The following PRDM5 variants were observed in gnomAD, a reference collection of about 807,000 sequenced individuals.
PRDM5 encodes the protein PR/SET domain 5, also known as PR domain zinc finger protein 5.
Under a neutral mutation model 81.2 loss-of-function variants are expected in PRDM5, and 56 were observed. That is an observed-to-expected ratio of 0.69 (90% CI 0.56 to 0.86). The LOEUF (loss-of-function observed/expected upper bound fraction) is 0.86. Among genes scored for constraint, PRDM5 ranks in the 40% least tolerant of loss-of-function variants. The probability of loss-of-function intolerance (pLI) is 0.00; values close to 1 mark genes in which losing one functional copy is unlikely to be tolerated. For missense variants in PRDM5, 697 were observed against 770.1 expected (o/e 0.91, Z 1.12); for synonymous variants, 267 against 256.4 (o/e 1.04, Z -0.39).
At chr4:120,865,156 C>T (rs150963044) in intron 2 of PRDM5, among the ~76,000 whole-genome samples, 13 of 152,290 alleles carry the variant, frequency 8.5e-5, no homozygotes, top group South Asian at 2.1e-4. Context: ...TGAGGCTGCA[C>T]GGGAACCTTT....
chr4:120,696,214 TATAAAGAA>T (rs1734502632), intron 15 of PRDM5, among the ~76,000 whole-genome samples: 1 of 152,090 alleles, frequency 6.6e-6, no homozygotes, highest in Admixed American at 6.6e-5. Flanking sequence ...CATAGTGTGG[TATAAAGAA>T]AATAAGCTTT....
intron 7 of PRDM5, among the ~76,000 whole-genome samples, chr4:120,815,638 CA>C (rs1158007100): frequency 2.0e-5 from 3 of 152,148 alleles, no homozygotes; most frequent in Non-Finnish European, 4.4e-5. Context: ...CACTTTCCCC[CA>C]CATCCAGAGA....
At chr4:120,906,929 A>G (rs767198404) in intron 2 of PRDM5, among the ~76,000 whole-genome samples, 6 of 151,628 alleles carry the variant, frequency 4.0e-5, no homozygotes, top group Middle Eastern at 3.4e-3. Flanking sequence ...TACCTGAAAA[A>G]CTTATTTTTC....
chr4:120,855,250 G>C (rs1348895695), intron 2 of PRDM5, among the ~76,000 whole-genome samples: 2 of 152,100 alleles, frequency 1.3e-5, no homozygotes, highest in Admixed American at 1.3e-4. Context: ...AAGTGCCCAA[G>C]GATCCTCAAT....
At chr4:120,782,691 T>C (rs537968980) in intron 11 of PRDM5, among the ~76,000 whole-genome samples, 1 of 152,272 alleles carries the variant, frequency 6.6e-6, no homozygotes, top group South Asian at 2.1e-4. Flanking sequence ...ATACTTTCTG[T>C]TTTATTTAAA....
intron 2 of PRDM5, among the ~76,000 whole-genome samples, chr4:120,871,704 T>C (rs552102515): frequency 2.1e-4 from 32 of 152,230 alleles, no homozygotes; most frequent in African/African-American, 7.2e-4. Context: ...TAAAAGCTTT[T>C]TGAATGCTAA....
intron 1 of PRDM5, among the ~76,000 whole-genome samples, chr4:120,907,856 A>G (rs1438949198): frequency 6.6e-6 from 1 of 152,218 alleles, no homozygotes; most frequent in Non-Finnish European, 1.5e-5. Flanking sequence ...TCCTCTTCAT[A>G]GCCTCTGGCA....
intron 7 of PRDM5, 175 bp downstream of exon 7, chr4:120,816,278 A>G: frequency 2.1e-6 from 2 of 970,576 alleles, no homozygotes; most frequent in Non-Finnish European, 3.2e-6. Flanking sequence ...GCTAAATTCA[A>G]CCTGAGAAAG....
At chr4:120,872,163 A>AAAAAAAAAAAACAAAC (rs1561557527) in intron 2 of PRDM5, among the ~76,000 whole-genome samples, 16 of 147,976 alleles carry the variant, frequency 1.1e-4, no homozygotes, top group African/African-American at 3.7e-4. Flanking sequence ...AAAAAAAAAA[A>AAAAAAAAAAAACAAAC]AAAAAAAAAA....
At chr4:120,892,462 A>G (rs990630392) in intron 2 of PRDM5, among the ~76,000 whole-genome samples, 2 of 152,090 alleles carry the variant, frequency 1.3e-5, no homozygotes, top group South Asian at 2.1e-4. Context: ...TTGTAGATCT[A>G]TAAGAACTCA....
chr4:120,804,269 A>G (rs916972182), intron 8 of PRDM5, among the ~76,000 whole-genome samples: 2 of 151,474 alleles, frequency 1.3e-5, no homozygotes, highest in African/African-American at 4.9e-5. Context: ...TTAACACCCA[A>G]CTGACAACAT....
intron 13 of PRDM5, among the ~76,000 whole-genome samples, chr4:120,761,893 T>C (rs1281795437): frequency 6.6e-6 from 1 of 152,098 alleles, no homozygotes; most frequent in African/African-American, 2.4e-5. Flanking sequence ...ATGATCAAAC[T>C]TGAAGATTAA....
At chr4:120,913,740 A>C (rs17051277) in intron 1 of PRDM5, among the ~76,000 whole-genome samples, 3,367 of 152,244 alleles carry the variant, frequency 0.022, 134 homozygotes, top group African/African-American at 0.075. Flanking sequence ...TCTCCAGTAG[A>C]CTTAGTAATA....
rs1560890200 is a variant in PRDM5, at chr4:120,699,197, TATATATA to T, written c.1729-3929_1729-3923del. Among the ~76,000 whole-genome samples, 638 of 75,870 alleles carry T rather than the reference TATATATA, an allele frequency of 8.4e-3. 10 individuals carry two copies. The highest frequency in any genetic ancestry group is 0.05 in the East Asian group (43 of 854). 49.8% of individuals were successfully genotyped at this position (75,870 alleles called of 152,430 possible). On this transcript the variant is annotated intron_variant, in intron 15 of 15. Coordinates refer to ENST00000264808, the MANE Select transcript of PRDM5 (RefSeq NM_018699.4). Reference sequence around the variant, plus strand: ...ATATATATATATATATATATATATATATATATATTTCAGATGTCTCCTTAATAATTTC... The same window carrying T: ...ATATATATATATATATATATATATATTTTCAGATGTCTCCTTAATAATTTC...
chr4:120,851,307 C>G (rs1759236961), intron 3 of PRDM5, among the ~76,000 whole-genome samples: 1 of 151,886 alleles, frequency 6.6e-6, no homozygotes, highest in Non-Finnish European at 1.5e-5. Context: ...ATTCATGGCT[C>G]TATAGGCAAT....
At chr4:120,878,541 G>T (rs1223698084) in intron 2 of PRDM5, among the ~76,000 whole-genome samples, 1 of 152,122 alleles carries the variant, frequency 6.6e-6, no homozygotes, top group African/African-American at 2.4e-5. Flanking sequence ...CAAAAGCACA[G>T]ACCCATGAAA....
At chr4:120,850,866 T>C (rs1759184305) in intron 3 of PRDM5, among the ~76,000 whole-genome samples, 1 of 152,154 alleles carries the variant, frequency 6.6e-6, no homozygotes, top group South Asian at 2.1e-4. Context: ...ACATGAAAAC[T>C]GTAAGTCTTA....
chr4:120,881,763 A>G (rs1762866040), intron 2 of PRDM5, among the ~76,000 whole-genome samples: 1 of 152,120 alleles, frequency 6.6e-6, no homozygotes, highest in Non-Finnish European at 1.5e-5. Context: ...GCCAAAAAAT[A>G]AAAAACCTAC....
At chr4:120,780,063 G>A (rs1748818942) in intron 12 of PRDM5, among the ~76,000 whole-genome samples, 1 of 151,032 alleles carries the variant, frequency 6.6e-6, no homozygotes, top group Non-Finnish European at 1.5e-5. Context: ...ATTAAGGACA[G>A]ATAAGATAGA....
Sources: gnomAD v4.1 joint callset for allele counts (sites outside exome capture counted in the v4.1 genomes callset) on GRCh38, gnomAD v4.1.1 for gene constraint, MANE v1.5 for transcripts, NCBI Gene and HGNC (gene_info 2026-07-23, HGNC 2026-07-21) for gene names.